THADA: variants seen among roughly 807,000 people sequenced by gnomAD.
The protein encoded by THADA is tRNA (32-2'-O)-methyltransferase regulator THADA.
In THADA, 213 loss-of-function variants were observed where a neutral mutation model predicts 219.8. The observed-to-expected ratio is 0.97, with a 90% CI of 0.87 to 1.09. THADA has a LOEUF of 1.09. Ranked by LOEUF, THADA falls within the 50% of genes least tolerant of loss-of-function variation. The pLI is 0.00. For synonymous variants in THADA, 1,018 were observed against 828.9 expected (o/e 1.23, Z -3.92); for missense variants, 2,956 against 2,311.3 (o/e 1.28, Z -5.72).
chr2:43,471,177 A>AC (rs1264841615), intron 26 of THADA, among the ~76,000 whole-genome samples: 2 of 152,036 alleles, frequency 1.3e-5, no homozygotes, highest in African/African-American at 4.8e-5. Flanking sequence ...ATTTACTGTC[A>AC]CCCCCCAAAA....
chr2:43,443,353 T>C (rs1182317446), intron 26 of THADA, among the ~76,000 whole-genome samples: 1 of 152,208 alleles, frequency 6.6e-6, no homozygotes. Context: ...GCATTCAGAA[T>C]CATCATTTGA....
intron 29 of THADA, among the ~76,000 whole-genome samples, chr2:43,369,325 T>C (rs1670534506): frequency 6.6e-6 from 1 of 152,210 alleles, no homozygotes; most frequent in Admixed American, 6.5e-5. Flanking sequence ...GTGGAACAAG[T>C]GATAAAATGA....
chr2:43,499,745 AT>A (rs1255251176), intron 24 of THADA, among the ~76,000 whole-genome samples: 1 of 151,942 alleles, frequency 6.6e-6, no homozygotes, highest in East Asian at 1.9e-4. Flanking sequence ...TTTTTTAAAT[AT>A]TTTGAAGACG....
chr2:43,293,202 G>A lies in THADA; in HGVS notation c.4450C>T (p.Leu1484Phe), dbSNP rs1249469121. 5 of 1,609,424 alleles carry A rather than the reference G, an allele frequency of 3.1e-6. No homozygotes were observed. Among genetic ancestry groups the A allele is most frequent in the Non-Finnish European group, 4.2e-6 (5 of 1,176,812 alleles). The part of the protein sequence containing the change: ...AKDNQPVLES[L>F]GFWEEVRGII... ...CCTCTGACTTCCTCCCAGAAGCCAA[G>A]ACTCTCCAGAACTAAGAAGCAAAAA... The change falls in exon 32 of 38, where the codon CTT (leucine) becomes TTT (phenylalanine). Residue 1484 changes from leucine (L) to phenylalanine (F), a missense_variant. Physicochemically the swap from Leu to Phe is conservative, Grantham distance 22. Transcript: ENST00000405975.
At chr2:43,513,553 C>A (rs1690771365) in intron 22 of THADA, among the ~76,000 whole-genome samples, 1 of 152,156 alleles carries the variant, frequency 6.6e-6, no homozygotes, top group African/African-American at 2.4e-5. Flanking sequence ...AAGCCAAGGG[C>A]ACAGGGGGCC....
At chr2:43,435,798 AAAG>A (rs1382090766) in intron 26 of THADA, among the ~76,000 whole-genome samples, 281 of 135,520 alleles carry the variant, frequency 2.1e-3, no homozygotes, top group African/African-American at 5.2e-3. Context: ...AAAAAAAAAA[AAAG>A]AAAGAAAAGA....
chr2:43,397,745 T>C (rs1400303642), intron 29 of THADA, among the ~76,000 whole-genome samples: 2 of 151,860 alleles, frequency 1.3e-5, no homozygotes, highest in South Asian at 2.1e-4. Flanking sequence ...ACACAGGATG[T>C]ATTGCAAAAG....
chr2:43,403,982 T>G (rs2104736936), intron 28 of THADA, among the ~76,000 whole-genome samples: 1 of 152,282 alleles, frequency 6.6e-6, no homozygotes, highest in Non-Finnish European at 1.5e-5. Flanking sequence ...AGGCCATCTC[T>G]AAAGGCTGGG....
chr2:43,252,483 G>C (rs1669905290), intron 36 of THADA, among the ~76,000 whole-genome samples: 1 of 152,120 alleles, frequency 6.6e-6, no homozygotes, highest in Admixed American at 6.5e-5. Flanking sequence ...GGGTATAACA[G>C]AGAGACACAG....
At chr2:43,407,895 A>G (rs1184760588) in intron 28 of THADA, among the ~76,000 whole-genome samples, 1 of 152,032 alleles carries the variant, frequency 6.6e-6, no homozygotes, top group African/African-American at 2.4e-5. Flanking sequence ...ATAAAATGTA[A>G]CCACAACCAA....
At chr2:43,288,874 A>C (rs1674360658) in intron 34 of THADA, among the ~76,000 whole-genome samples, 1 of 152,234 alleles carries the variant, frequency 6.6e-6, no homozygotes, top group Admixed American at 6.5e-5. Flanking sequence ...AGATATGTGC[A>C]ATCACCACCA....
chr2:43,473,432 C>T (rs563072143), intron 26 of THADA, among the ~76,000 whole-genome samples: 57 of 152,188 alleles, frequency 3.7e-4, no homozygotes, highest in Admixed American at 1.1e-3. Flanking sequence ...CCTATGAGAA[C>T]GACACCCTCT....
chr2:43,450,113 A>G (rs1682123302), intron 26 of THADA, among the ~76,000 whole-genome samples: 1 of 152,166 alleles, frequency 6.6e-6, no homozygotes, highest in Non-Finnish European at 1.5e-5. Context: ...AGGGAAATAC[A>G]TGGGGAGTTA....
chr2:43,315,182 C>T (rs976299425), intron 31 of THADA, among the ~76,000 whole-genome samples: 14 of 152,300 alleles, frequency 9.2e-5, no homozygotes, highest in African/African-American at 2.4e-4. Flanking sequence ...TAATCAATCC[C>T]TTTCAAGATT....
At chr2:43,554,209 T>C (rs972637716) in intron 17 of THADA, among the ~76,000 whole-genome samples, 8 of 152,232 alleles carry the variant, frequency 5.3e-5, no homozygotes, top group Non-Finnish European at 1.0e-4. Flanking sequence ...GACTGACATC[T>C]ATGTTTTCTT....
intron 26 of THADA, among the ~76,000 whole-genome samples, chr2:43,481,864 G>A (rs1259351454): frequency 2.0e-5 from 3 of 152,180 alleles, no homozygotes; most frequent in Admixed American, 2.0e-4. Context: ...ACTCCAAGAA[G>A]TCAAAAATAA....
At chr2:43,409,752 G>T (rs1676043333) in intron 28 of THADA, among the ~76,000 whole-genome samples, 2 of 152,062 alleles carry the variant, frequency 1.3e-5, no homozygotes, top group African/African-American at 2.4e-5. Flanking sequence ...AGGCATGATG[G>T]CTTACACTTG....
chr2:43,398,195 T>G, intron 28 of THADA, 56 bp from the exon 29 acceptor site: 1 of 1,555,466 alleles, frequency 6.4e-7, no homozygotes, highest in Admixed American at 1.7e-5. Flanking sequence ...ATCTGTGACT[T>G]TGTATATACT....
chr2:43,595,279 G>A (rs748370570), intron 1 of THADA, among the ~76,000 whole-genome samples: 2 of 152,176 alleles, frequency 1.3e-5, no homozygotes, highest in Non-Finnish European at 2.9e-5. Flanking sequence ...AATGGCAGGT[G>A]AGCAACCACT....
Sources: gnomAD v4.1 joint callset for allele counts (sites outside exome capture counted in the v4.1 genomes callset) on GRCh38, gnomAD v4.1.1 for gene constraint, MANE v1.5 for transcripts, NCBI Gene and HGNC (gene_info 2026-07-23, HGNC 2026-07-21) for gene names.